The following MYLK4 variants were observed in gnomAD, a reference collection of about 807,000 sequenced individuals.
The protein encoded by MYLK4 is caMLCK like.
In MYLK4, 46 loss-of-function variants were observed where a neutral mutation model predicts 48.1. That is an observed-to-expected ratio of 0.96 (90% CI 0.75 to 1.22). MYLK4 has a LOEUF of 1.22. Among genes scored for constraint, MYLK4 ranks in the 50% most tolerant of loss-of-function variants. MYLK4 has a pLI of 0.00. For missense variants in MYLK4, 451 were observed against 486.1 expected, an observed-to-expected ratio of 0.93 and a Z score of 0.68; for synonymous variants, 170 against 180.8, an observed-to-expected ratio of 0.94 and a Z score of 0.48.
At chr6:2,705,436 C>T (rs1362007792) in intron 2 of MYLK4, among the ~76,000 whole-genome samples, 1 of 152,156 alleles carries the variant, frequency 6.6e-6, no homozygotes, top group Non-Finnish European at 1.5e-5. Context: ...TATACAGAGT[C>T]TGAGTTTGTA....
intron 2 of MYLK4, among the ~76,000 whole-genome samples, chr6:2,727,280 T>C (rs1763310170): frequency 6.6e-6 from 1 of 152,192 alleles, no homozygotes; most frequent in Admixed American, 6.5e-5. Flanking sequence ...TCCACTACTG[T>C]AAGATTCTGC....
chr6:2,723,161 C>T (rs951242462), intron 2 of MYLK4, among the ~76,000 whole-genome samples: 21 of 152,044 alleles, frequency 1.4e-4, no homozygotes, highest in South Asian at 2.1e-4. Flanking sequence ...GGCATGGTAG[C>T]GCATGCCTGT....
chr6:2,752,377 C>T (rs558896950), upstream of MYLK4, among the ~76,000 whole-genome samples: 38 of 152,002 alleles, frequency 2.5e-4, no homozygotes, highest in Non-Finnish European at 4.3e-4. Context: ...AAACTCAATA[C>T]TTTATTGTTG....
intron 3 of MYLK4, among the ~76,000 whole-genome samples, chr6:2,690,104 T>TA (rs1761716073): frequency 6.6e-6 from 1 of 152,158 alleles, no homozygotes; most frequent in African/African-American, 2.4e-5. Flanking sequence ...TGGAGAAGGT[T>TA]AAAAAGCCTT....
In MYLK4 at chr6:2,678,894, G is replaced by A. The variant is rs534703661; in HGVS notation, c.887+386C>T. On this transcript the variant is annotated intron_variant, in intron 9 of 12. Coordinates refer to ENST00000274643, the MANE Select transcript of MYLK4 (RefSeq NM_001012418.5). ...GATTTTTGTATTTTTAGTAGAGATG[G>A]GGTTTCACCATGTTGGCCAGGATGG... Among the ~76,000 whole-genome samples the A allele has an allele frequency of 2.0e-5, 3 of 152,122 alleles. No homozygotes were observed. The South Asian group carries it at 6.2e-4, about 32-fold the overall frequency.
At chr6:2,768,921 A>C in the MYLK4 span, 2 of 1,562,568 alleles carry the variant, frequency 1.3e-6, no homozygotes, top group African/African-American at 2.7e-5. Context: ...CGTTGTGAAC[A>C]TCAAACAATA....
At chr6:2,674,991 T>A (rs1472005087) in intron 11 of MYLK4, 56 bp downstream of exon 11, 206 of 1,220,188 alleles carry the variant, frequency 1.7e-4, no homozygotes, top group Non-Finnish European at 1.3e-4. Context: ...CAGCATCTGA[T>A]CTTCAAAAGA....
intron 2 of MYLK4, among the ~76,000 whole-genome samples, chr6:2,711,823 T>A (rs754604808): frequency 1.3e-5 from 2 of 152,106 alleles, no homozygotes; most frequent in African/African-American, 2.4e-5. Flanking sequence ...TTTTAAGGTA[T>A]ATAACTTTAA....
rs544708959 is a variant in MYLK4 at position 2,672,574 on chromosome 6, G to T, written c.1120-1226C>A. ...TAGATTGAAATGGTAAACAGTTTTG[G>T]ATCAGAATTAAATTTTCAACTTAAA... On this transcript the variant is annotated intron_variant, in intron 11 of 12. Coordinates refer to ENST00000274643, the MANE Select transcript of MYLK4 (RefSeq NM_001012418.5). This position sits in a 1 kb window ranked among gnomAD's most constrained non-coding sequence, Gnocchi z 4.3. Among the ~76,000 whole-genome samples, 2 of 152,284 alleles carry T rather than the reference G, an allele frequency of 1.3e-5. No homozygotes were observed. Among genetic ancestry groups the T allele is most frequent in the South Asian group, 2.1e-4 (1 of 4,814 alleles).
chr6:2,678,170 C>G, intron 10 of MYLK4, 50 bp downstream of exon 10: 1 of 1,592,840 alleles, frequency 6.3e-7, no homozygotes, highest in Non-Finnish European at 8.6e-7. Context: ...GTAGGCCCTG[C>G]TTCCTTATCA....
chr6:2,744,313 G>A (rs548990795), intron 2 of MYLK4, among the ~76,000 whole-genome samples: 5 of 152,320 alleles, frequency 3.3e-5, no homozygotes, highest in Middle Eastern at 3.4e-3. Context: ...AATTTACGAC[G>A]CTGTGAATGC....
chr6:2,683,048 C>G lies in MYLK4; in HGVS notation c.660G>C (p.Gln220His). Residue 220 changes from glutamine to histidine, a missense_variant, in exon 7 of 13, where the codon CAG becomes CAC. Gln to His is a conservative substitution (Grantham distance 24, BLOSUM62 0). Transcript: ENST00000274643. ...QICEGIRHMH[Q>H]MYILHLDLKP... is the part of the protein sequence containing the mutation. ...TCAGGTCCAAGTGGAGAATGTACATCTGATGCATGTGCCTTATCCCCTCAC... is the reference window on the plus strand; with the variant it reads ...TCAGGTCCAAGTGGAGAATGTACATGTGATGCATGTGCCTTATCCCCTCAC... 1 of 1,614,188 alleles carries G rather than the reference C, an allele frequency of 6.2e-7. No individual in the cohort carries two copies. The highest frequency in any genetic ancestry group is 1.3e-5 in the African/African-American group (1 of 75,028).
chr6:2,756,198 A>T, the MYLK4 span, among the ~76,000 whole-genome samples: 1 of 152,120 alleles, frequency 6.6e-6, no homozygotes, highest in African/African-American at 2.4e-5. Context: ...GTATTCTTTT[A>T]TAAAGAAGAG....
At chr6:2,766,376 C>T in the MYLK4 span, 31 of 1,609,044 alleles carry the variant, frequency 1.9e-5, no homozygotes, top group East Asian at 6.5e-4. Context: ...GGATACCCTG[C>T]TGCGCTCGCT....
At chr6:2,767,248 C>T in the MYLK4 span, among the ~76,000 whole-genome samples, 1 of 152,092 alleles carries the variant, frequency 6.6e-6, no homozygotes, top group Non-Finnish European at 1.5e-5. Context: ...GGAGGTGAGC[C>T]AGAAAACAGA....
At chr6:2,765,406 C>G in the MYLK4 span, 4 of 432,680 alleles carry the variant, frequency 9.2e-6, no homozygotes, top group South Asian at 1.0e-4. Flanking sequence ...CTTCCCGACA[C>G]GCCGCGTGAG....
intron 3 of MYLK4, among the ~76,000 whole-genome samples, chr6:2,690,932 C>T (rs1488083435): frequency 6.8e-6 from 1 of 146,550 alleles, no homozygotes; most frequent in African/African-American, 2.5e-5. Flanking sequence ...CGGATTCAAG[C>T]AATTCTCTGC....
chr6:2,725,585 G>A (rs1321133626), intron 2 of MYLK4, among the ~76,000 whole-genome samples: 11 of 101,856 alleles, frequency 1.1e-4, no homozygotes, highest in African/African-American at 3.7e-4. Flanking sequence ...GAAAAAGAAA[G>A]AGAAAGAAAG....
intron 2 of MYLK4, among the ~76,000 whole-genome samples, chr6:2,712,774 C>T (rs982996434): frequency 6.6e-6 from 1 of 152,210 alleles, no homozygotes; most frequent in Non-Finnish European, 1.5e-5. Flanking sequence ...AAGCTACTCT[C>T]TGCCCCCACT....
Sources: gnomAD v4.1 joint callset for allele counts (sites outside exome capture counted in the v4.1 genomes callset) on GRCh38, gnomAD v4.1.1 for gene constraint, Gnocchi (gnomAD v3.1) non-coding constraint, MANE v1.5 for transcripts, NCBI Gene and HGNC (gene_info 2026-07-23, HGNC 2026-07-21) for gene names.